Variants in STAG2 observed in about 807,000 individuals in gnomAD.
STAG2 encodes cohesin subunit SA-2.
A neutral mutation model predicts 108.1 loss-of-function variants in STAG2; 14 were observed. The ratio of observed to expected loss-of-function variants is 0.13; its 90% CI spans 0.09 to 0.20. STAG2 has a LOEUF of 0.20. STAG2 is among the 10% of genes least tolerant of loss of function. The pLI, the probability that STAG2 is intolerant of heterozygous loss-of-function variation, is 1.00. For synonymous variants in STAG2, 307 were observed against 302.7 expected (o/e 1.01, Z -0.15); for missense variants, 440 against 940.9 (o/e 0.47, Z 6.96).
chrX:124,009,705 A>G (rs2056456839), intron 1 of STAG2, among the ~76,000 whole-genome samples: 1 of 111,054 alleles, frequency 9.0e-6, no homozygotes, highest in African/African-American at 3.3e-5. Context: ...CTTGACTTGT[A>G]CTGTCATATT....
At chrX:124,079,803 ACT>A (rs1194100585) in intron 27 of STAG2, among the ~76,000 whole-genome samples, 1 of 111,448 alleles carries the variant, frequency 9.0e-6, no homozygotes, top group East Asian at 2.8e-4. Context: ...TGGCCTTGTT[ACT>A]CTTTTTTATG....
At chrX:124,098,159 A>G (rs1344886375) in intron 34 of STAG2, among the ~76,000 whole-genome samples, 1 of 111,017 alleles carries the variant, frequency 9.0e-6, no homozygotes. Flanking sequence ...TAGCATTCTC[A>G]TGTATATTGA....
chrX:124,005,547 A>G (rs2056247386), intron 1 of STAG2, among the ~76,000 whole-genome samples: 2 of 112,152 alleles, frequency 1.8e-5, no homozygotes, highest in African/African-American at 3.2e-5. Flanking sequence ...ATGGAGTCAT[A>G]TAAATGGAAA....
At chrX:124,081,143 G>A (rs1484849217) in intron 27 of STAG2, among the ~76,000 whole-genome samples, 1 of 110,967 alleles carries the variant, frequency 9.0e-6, no homozygotes, top group East Asian at 2.8e-4. Context: ...ATTAATACCA[G>A]CAGGATAGCA....
At chrX:124,085,773 C>CAAAAAA (rs35882500) in intron 29 of STAG2, among the ~76,000 whole-genome samples, 8 of 42,146 alleles carry the variant, frequency 1.9e-4, no homozygotes, top group African/African-American at 4.4e-4. Flanking sequence ...GACTGTGTCT[C>CAAAAAA]AAAAAAAAAA....
intron 5 of STAG2, among the ~76,000 whole-genome samples, chrX:124,031,537 TTG>T (rs2057335271): frequency 2.3e-5 from 2 of 88,231 alleles, no homozygotes; most frequent in South Asian, 1.3e-3. Context: ...TGTTTTTTGT[TTG>T]TTTGTTTGTT....
rs1188464500 is a variant in STAG2, at chrX:124,050,946, G to A, written c.1018-175G>A. On this transcript the variant is annotated intron_variant, in intron 11 of 34. Coordinates refer to ENST00000371145, the MANE Select transcript of STAG2 (RefSeq NM_001042750.2). ...ACCCCATAGGTATTTAGTCATAAAT[G>A]TATGTACTGATTACTATTTTTGCAT... Among the ~76,000 whole-genome samples, 7 of 111,682 alleles carry A rather than the reference G, an allele frequency of 6.3e-5. No homozygotes were observed. In the South Asian group the frequency reaches 1.5e-3, roughly 23 times the overall value.
chrX:124,083,369 T>A, intron 28 of STAG2, 52 bp from the exon 29 acceptor site: 1 of 1,006,130 alleles, frequency 9.9e-7, no homozygotes, highest in Non-Finnish European at 1.3e-6. Flanking sequence ...TTGACTTTTT[T>A]ATTATAGTCC....
At chrX:123,998,891 C>T (rs912444362) in intron 1 of STAG2, among the ~76,000 whole-genome samples, 9 of 110,741 alleles carry the variant, frequency 8.1e-5, no homozygotes, top group East Asian at 2.8e-4. Context: ...AGGCCAAGGC[C>T]GGGAGTATCA....
intron 14 of STAG2, among the ~76,000 whole-genome samples, chrX:124,057,157 G>A (rs1435229067): frequency 1.8e-5 from 2 of 111,854 alleles, no homozygotes. Context: ...CTTTACTTTT[G>A]TGATCCTATT....
At chrX:124,073,385 C>T (rs1376408203) in intron 25 of STAG2, among the ~76,000 whole-genome samples, 1 of 110,435 alleles carries the variant, frequency 9.1e-6, no homozygotes, top group African/African-American at 3.3e-5. Context: ...CTAGAATTAC[C>T]CACACTTCTT....
Position 124,051,447 on chromosome X carries a change from A to G in STAG2, c.1196+53A>G, listed in dbSNP as rs1603032867. 5 of 964,973 alleles carry G rather than the reference A, an allele frequency of 5.2e-6. No homozygotes were observed. In the East Asian group the frequency reaches 1.3e-4, roughly 24 times the overall value. The allele number at this position is 964,973 out of a possible 1,213,427, so 79.5% of individuals were successfully genotyped here. A position where few individuals can be genotyped will look rare whatever the true frequency, so the allele number is the denominator to read the frequency against. On this transcript the variant is annotated intron_variant, in intron 13 of 34. Transcript: ENST00000371145. ...ACTAATGTTCAGATATCTAAATAAT[A>G]TATTAGAGTATTTGGTTCAGACTCA...
At chrX:123,979,919 CTAGA>C (rs111274059) in intron 1 of STAG2, among the ~76,000 whole-genome samples, 9 of 111,700 alleles carry the variant, frequency 8.1e-5, no homozygotes, top group African/African-American at 2.9e-4. Flanking sequence ...ATGTACATTT[CTAGA>C]TAGATACATA....
intron 13 of STAG2, among the ~76,000 whole-genome samples, chrX:124,051,869 C>T (rs1029712821): frequency 8.9e-6 from 1 of 112,386 alleles, no homozygotes; most frequent in Non-Finnish European, 1.9e-5. Context: ...GGATTACAGG[C>T]GTGAGCCACT....
intron 1 of STAG2, among the ~76,000 whole-genome samples, chrX:124,010,309 G>A (rs1012721686): frequency 9.0e-6 from 1 of 111,021 alleles, no homozygotes; most frequent in African/African-American, 3.3e-5. Context: ...CTAGTCCCTG[G>A]TAACCATTCT....
intron 1 of STAG2, among the ~76,000 whole-genome samples, chrX:124,015,035 G>T (rs1275433994): frequency 2.5e-5 from 2 of 78,822 alleles, no homozygotes; most frequent in African/African-American, 1.0e-4. Context: ...CGCCCAGGCT[G>T]GAGTGCAGTG....
chrX:124,026,069 T>A, intron 4 of STAG2, 151 bp downstream of exon 4: 1 of 303,981 alleles, frequency 3.3e-6, no homozygotes. Flanking sequence ...GTAAATGTGG[T>A]CCTTTTGTCT....
intron 1 of STAG2, among the ~76,000 whole-genome samples, chrX:123,967,494 G>A (rs1445431400): frequency 1.8e-5 from 2 of 110,769 alleles, no homozygotes; most frequent in East Asian, 5.7e-4. Flanking sequence ...TCGAACTCCC[G>A]ACCTCAGGTG....
At chrX:124,076,245 T>C (rs2058800413) in intron 25 of STAG2, 87 bp from the exon 26 acceptor site, 1 of 894,636 alleles carries the variant, frequency 1.1e-6, no homozygotes, top group Non-Finnish European at 1.6e-6. Flanking sequence ...AATTCTCTTA[T>C]AAAAGCATGT....
Sources: allele counts gnomAD v4.1 joint callset (sites outside exome capture counted in the v4.1 genomes callset), GRCh38; gene constraint gnomAD v4.1.1; transcripts MANE v1.5; gene names NCBI Gene and HGNC (gene_info 2026-07-23, HGNC 2026-07-21).